The following PGAP4 variants were observed in gnomAD, a reference collection of about 807,000 sequenced individuals.
PGAP4 encodes GPI-N-acetylgalactosamine transferase PGAP4.
A neutral mutation model predicts 28.2 loss-of-function variants in PGAP4; 12 were observed. That is an observed-to-expected ratio of 0.42 (90% CI 0.27 to 0.69). The LOEUF (loss-of-function observed/expected upper bound fraction) is 0.69, where lower values mean the gene tolerates loss of function less well. Among genes scored for constraint, PGAP4 ranks in the 30% least tolerant of loss-of-function variants. PGAP4 has a pLI of 0.22. For missense variants in PGAP4, 425 were observed against 513.5 expected (o/e 0.83, Z 1.67); for synonymous variants, 205 against 211.8 (o/e 0.97, Z 0.28).
At chr9:101,524,070 A>G (rs1320699090) in intron 2 of PGAP4, among the ~76,000 whole-genome samples, 1 of 151,728 alleles carries the variant, frequency 6.6e-6, no homozygotes, top group African/African-American at 2.4e-5. Flanking sequence ...TGTCTGCACA[A>G]GAGTGCTGTG....
At position 101,531,175 on chromosome 9, in the gene PGAP4, C is replaced by G. The variant is rs546043586; in HGVS notation, c.-165+173G>C. 4 of 150,612 alleles carry G rather than the reference C, an allele frequency of 2.7e-5. No individual in the cohort carries two copies. The East Asian group carries it at 8.0e-4, about 30-fold the overall frequency. 9.3% of individuals were successfully genotyped at this position (150,612 alleles called of 1,614,324 possible). A position where few individuals can be genotyped will look rare whatever the true frequency, so the allele number is the denominator to read the frequency against. On this transcript the variant is annotated intron_variant, in intron 2 of 3. Coordinates refer to the PGAP4 transcript ENST00000374851. ...CCAATTCCTTATAATGTCCCTCTCT[C>G]TCTTTCTCAAATCTCTTTCTACACA...
intron 2 of PGAP4, chr9:101,501,541 C>A (rs1407514358): frequency 5.0e-6 from 2 of 397,456 alleles, no homozygotes; most frequent in South Asian, 1.9e-5. Flanking sequence ...AACATGATTT[C>A]ATGCATTTAG....
chr9:101,508,889 C>T (rs1826872606), intron 2 of PGAP4, among the ~76,000 whole-genome samples: 2 of 152,122 alleles, frequency 1.3e-5, no homozygotes, highest in South Asian at 2.1e-4. Flanking sequence ...TCTGTAACCT[C>T]GTTTTATTTG....
intron 2 of PGAP4, among the ~76,000 whole-genome samples, chr9:101,522,534 C>T (rs895085799): frequency 1.3e-5 from 2 of 151,942 alleles, no homozygotes; most frequent in African/African-American, 4.8e-5. Context: ...GAATAGCTAC[C>T]CCTGCTCACT....
At chr9:101,492,519 A>G (rs1466634425) in intron 2 of PGAP4, among the ~76,000 whole-genome samples, 1 of 152,114 alleles carries the variant, frequency 6.6e-6, no homozygotes, top group Non-Finnish European at 1.5e-5. Context: ...TTCTTTGCAC[A>G]TCTAATAAAT....
At chr9:101,523,840 C>T (rs1453542081) in intron 2 of PGAP4, among the ~76,000 whole-genome samples, 1 of 151,532 alleles carries the variant, frequency 6.6e-6, no homozygotes, top group Non-Finnish European at 1.5e-5. Context: ...GGTTGGTTTT[C>T]TGGTTTCTTC....
At chr9:101,498,755 T>G (rs1826773485) in intron 2 of PGAP4, among the ~76,000 whole-genome samples, 1 of 152,058 alleles carries the variant, frequency 6.6e-6, no homozygotes, top group Non-Finnish European at 1.5e-5. Context: ...TATTAATCCC[T>G]TAAGAGCAAC....
intron 2 of PGAP4, among the ~76,000 whole-genome samples, chr9:101,500,531 T>C (rs76901135): frequency 1.1e-5 from 1 of 93,470 alleles, no homozygotes; most frequent in Admixed American, 1.1e-4. Context: ...GCAAGACTTG[T>C]TTTTTTTTTT....
At chr9:101,530,211 T>C (rs1827075656) in intron 2 of PGAP4, among the ~76,000 whole-genome samples, 1 of 152,226 alleles carries the variant, frequency 6.6e-6, no homozygotes, top group South Asian at 2.1e-4. Context: ...AGAGTTAGGG[T>C]GAAGACAGGA....
chr9:101,508,194 T>C (rs1253225457), intron 2 of PGAP4, among the ~76,000 whole-genome samples: 1 of 150,966 alleles, frequency 6.6e-6, no homozygotes, highest in South Asian at 2.1e-4. Flanking sequence ...GTGCTGGATA[T>C]GCATTCACCA....
chr9:101,524,988 C>T (rs566588563), intron 2 of PGAP4, among the ~76,000 whole-genome samples: 2 of 152,302 alleles, frequency 1.3e-5, no homozygotes, highest in Non-Finnish European at 2.9e-5. Context: ...CCCATCTGCC[C>T]TGATGATTGC....
chr9:101,484,793 AG>A, intron 1 of PGAP4, among the ~76,000 whole-genome samples: 1 of 152,218 alleles, frequency 6.6e-6, no homozygotes, highest in East Asian at 1.9e-4. Flanking sequence ...CAGCAGCTCA[AG>A]TAGACTAAGA....
At chr9:101,506,410 T>C (rs1826849057) in intron 2 of PGAP4, among the ~76,000 whole-genome samples, 1 of 152,106 alleles carries the variant, frequency 6.6e-6, no homozygotes, top group Admixed American at 6.6e-5. Flanking sequence ...TCTCAACCTA[T>C]ACAAGTGACT....
chr9:101,495,547 A>G (rs894717581), intron 2 of PGAP4, among the ~76,000 whole-genome samples: 4 of 145,746 alleles, frequency 2.7e-5, no homozygotes, highest in Non-Finnish European at 6.0e-5. Context: ...CTAATTTAGG[A>G]TTTTGAACCT....
upstream of PGAP4, among the ~76,000 whole-genome samples, chr9:101,487,475 A>C (rs555905147): frequency 7.2e-5 from 11 of 152,358 alleles, no homozygotes; most frequent in East Asian, 1.9e-3. Context: ...CGAGAGACAT[A>C]ACGCCTGAGG....
chr9:101,521,574 T>G (rs1369599021), intron 2 of PGAP4, among the ~76,000 whole-genome samples: 1 of 152,202 alleles, frequency 6.6e-6, no homozygotes, highest in Non-Finnish European at 1.5e-5. Flanking sequence ...GTTTCATTTC[T>G]GAGTGAGGTT....
At chr9:101,508,983 G>A (rs3903804) in intron 2 of PGAP4, among the ~76,000 whole-genome samples, 21,900 of 152,128 alleles carry the variant, frequency 0.14, 1,677 homozygotes, top group East Asian at 0.24. Context: ...GGCAATTGCC[G>A]GATATTCCAC....
At chr9:101,521,273 A>AGT (rs1169367201) in intron 2 of PGAP4, among the ~76,000 whole-genome samples, 2 of 152,114 alleles carry the variant, frequency 1.3e-5, no homozygotes, top group African/African-American at 4.8e-5. Context: ...CTTGTGGAAT[A>AGT]GTGTCAAAAG....
intron 1 of PGAP4, among the ~76,000 whole-genome samples, chr9:101,532,042 G>A (rs142961601): frequency 4.0e-3 from 612 of 152,334 alleles, no homozygotes; most frequent in African/African-American, 0.014. Context: ...GGCTGAGGTG[G>A]ATGGATCGTC....
Sources: allele counts gnomAD v4.1 joint callset (sites outside exome capture counted in the v4.1 genomes callset), GRCh38; gene constraint gnomAD v4.1.1; transcripts MANE v1.5; gene names NCBI Gene and HGNC (gene_info 2026-07-23, HGNC 2026-07-21).